Variants in SPDYA observed in about 807,000 individuals in gnomAD.
SPDYA encodes speedy/RINGO cell cycle regulator family member A.
SPDYA carries 11 observed loss-of-function variants against 36.7 expected under a neutral mutation model. That is an observed-to-expected ratio of 0.30 (90% CI 0.19 to 0.50). The LOEUF (loss-of-function observed/expected upper bound fraction) is 0.50, where lower values mean the gene tolerates loss of function less well. Ranked by LOEUF, SPDYA falls within the 20% of genes least tolerant of loss-of-function variation. The pLI is 0.98. For synonymous variants in SPDYA, 115 were observed against 118.7 expected (o/e 0.97, Z 0.20); for missense variants, 287 against 370.9 (o/e 0.77, Z 1.86).
intron 4 of SPDYA, among the ~76,000 whole-genome samples, chr2:28,819,866 AT>A (rs1668110132): frequency 1.0e-4 from 1 of 10,004 alleles, no homozygotes; most frequent in Non-Finnish European, 2.2e-4. Context: ...ATATATATAT[AT>A]ATATATATAT....
Position 28,816,094 on chromosome 2 carries a change from A to T in SPDYA, c.80A>T (p.Gln27Leu). 2 of 1,614,086 alleles carry T rather than the reference A, an allele frequency of 1.2e-6. No individual in the cohort carries two copies. Among genetic ancestry groups the T allele is most frequent in the Middle Eastern group, 1.7e-4 (1 of 6,060 alleles). The change falls in exon 3 of 8, where the codon CAG becomes CTG. Residue 27 changes from glutamine to leucine, a missense_variant. Gln to Leu is a moderately radical substitution (Grantham distance 113, BLOSUM62 -2). Coordinates refer to ENST00000334056, the MANE Select transcript of SPDYA (RefSeq NM_182756.4). ...AAATCAGGGTCAAATAGATCACATC[A>T]GCCTAAAAAGCCCATTACTCTGAAG... ...YVKSGSNRSHQPKKPITLKRP... is the reference protein window; with the variant it reads ...YVKSGSNRSHLPKKPITLKRP...
Position 28,850,234 on chromosome 2 carries a change from CAAGAA to C in SPDYA, c.*297_*301del. ...TGTGGTTTGACCTTCCTCAACTTGA[CAAGAA>C]AAGCTAATTTAAGAGAAGAAAAACA... On this transcript the variant is annotated 3_prime_UTR_variant, in exon 8 of 8. Transcript: ENST00000334056. 6.2e-7 allele frequency: 1 copy of C among 1,611,306 alleles called. No individual in the cohort carries two copies. Among genetic ancestry groups the C allele is most frequent in the South Asian group, 1.1e-5 (1 of 90,546 alleles).
chr2:28,835,031 G>T (rs1668559795), intron 6 of SPDYA, among the ~76,000 whole-genome samples: 1 of 151,994 alleles, frequency 6.6e-6, no homozygotes, highest in Non-Finnish European at 1.5e-5. Context: ...TTCCAAGAGA[G>T]CAGGGTCTTT....
intron 6 of SPDYA, among the ~76,000 whole-genome samples, chr2:28,833,418 ATGT>A (rs1334192869): frequency 3.3e-5 from 5 of 152,290 alleles, no homozygotes; most frequent in Admixed American, 2.0e-4. Flanking sequence ...ATAACCTGGA[ATGT>A]TGTTCCCCAA....
rs917678036 is a variant in SPDYA, at chr2:28,816,354, G to C, written c.235+105G>C. 4 of 894,920 alleles carry C rather than the reference G, an allele frequency of 4.5e-6. No homozygotes were observed. The Admixed American group carries it at 1.5e-4, about 34-fold the overall frequency. The allele number at this position is 894,920 out of a possible 1,614,324, so 55.4% of individuals were successfully genotyped here. On this transcript the variant is annotated intron_variant, in intron 3 of 7. Coordinates refer to ENST00000334056, the MANE Select transcript of SPDYA (RefSeq NM_182756.4). Reference sequence around the variant, plus strand: ...GATCAAAGAGGATATCATTATTTTTGTATTAAATTTCCCATCTCCAACCAA... The same window carrying C: ...GATCAAAGAGGATATCATTATTTTTCTATTAAATTTCCCATCTCCAACCAA...
chr2:28,822,378 T>G lies in SPDYA; in HGVS notation c.348T>G (p.Ser116Arg). Residue 116 changes from serine to arginine, a missense_variant, in exon 5 of 8, where the codon AGT (serine) becomes AGG (arginine). By Grantham distance (110) the Ser-to-Arg change is moderately radical. Coordinates refer to ENST00000334056, the MANE Select transcript of SPDYA (RefSeq NM_182756.4). ...TCAAGAGGGCTAAATTTACTATAAGTGAGCATACCAGGATAAATTTCTTTA... is the reference window on the plus strand; with the variant it reads ...TCAAGAGGGCTAAATTTACTATAAGGGAGCATACCAGGATAAATTTCTTTA... Reference protein sequence around the residue: ...VYFKRAKFTISEHTRINFFIA... With the variant: ...VYFKRAKFTIREHTRINFFIA... 6.4e-7 allele frequency: 1 copy of G among 1,572,714 alleles called. No individual in the cohort carries two copies. The highest frequency in any genetic ancestry group is 8.6e-7 in the Non-Finnish European group (1 of 1,158,160).
chr2:28,846,604 A>C (rs1196632793), intron 7 of SPDYA, among the ~76,000 whole-genome samples: 2 of 152,148 alleles, frequency 1.3e-5, no homozygotes, highest in Non-Finnish European at 2.9e-5. Flanking sequence ...TCTGTCCCAT[A>C]AACCAGACTG....
Position 28,811,380 on chromosome 2 carries a change from G to A in SPDYA, c.-93+433G>A, listed in dbSNP as rs1339026966. ...TGTGGGAGGAATGGAGATTTGGGGG[G>A]TCTTTTTGATAAATCCTACCTCCTT... is the stretch of plus-strand genomic sequence containing the variant. On this transcript the variant is annotated intron_variant, in intron 1 of 7. Transcript: ENST00000334056. This position sits in a 1 kb window ranked among gnomAD's most constrained non-coding sequence, Gnocchi z 4.2. Among the ~76,000 whole-genome samples, 1 of 152,114 alleles carries A rather than the reference G, an allele frequency of 6.6e-6. No homozygotes were observed. The highest frequency in any genetic ancestry group is 1.9e-4 in the East Asian group (1 of 5,184).
At chr2:28,826,617 T>TG (rs2148088007) in intron 5 of SPDYA, among the ~76,000 whole-genome samples, 3 of 125,368 alleles carry the variant, frequency 2.4e-5, no homozygotes, top group African/African-American at 8.8e-5. Context: ...CTCTCTTTTT[T>TG]TTTTTTTTTT....
intron 6 of SPDYA, among the ~76,000 whole-genome samples, chr2:28,829,654 A>G (rs745337024): frequency 2.2e-4 from 33 of 152,132 alleles, no homozygotes; most frequent in Middle Eastern, 3.4e-3. Flanking sequence ...CTGAAAATAC[A>G]AAAATTAGGC....
intron 6 of SPDYA, among the ~76,000 whole-genome samples, chr2:28,834,541 A>G (rs1668546956): frequency 6.6e-6 from 1 of 152,250 alleles, no homozygotes. Flanking sequence ...CTTGGCAATT[A>G]AAAGGAATGA....
In SPDYA at chr2:28,838,738, G is replaced by A. The variant is rs765622761; in HGVS notation, c.553-1434G>A. On this transcript the variant is annotated intron_variant, in intron 6 of 7. Transcript: ENST00000334056. ...TGTAATCCCAGAACTTTGGGAGGGC[G>A]AGGAGGGTGGATCACTTGAGGTCAG... Among the ~76,000 whole-genome samples, 13 of 152,212 alleles carry A rather than the reference G, an allele frequency of 8.5e-5. No homozygotes were observed. The South Asian group carries it at 1.5e-3, about 17-fold the overall frequency.
chr2:28,815,524 G>C (rs1027696902), intron 2 of SPDYA, among the ~76,000 whole-genome samples: 1 of 151,754 alleles, frequency 6.6e-6, no homozygotes, highest in Non-Finnish European at 1.5e-5. Flanking sequence ...TTTGTGGGAG[G>C]GGGGGTGCTT....
intron 4 of SPDYA, 33 bp downstream of exon 4, chr2:28,819,139 C>T (rs773811612): frequency 6.7e-6 from 10 of 1,489,604 alleles, no homozygotes; most frequent in Non-Finnish European, 8.4e-6. Context: ...AATTAACCAG[C>T]ATTATAATGT....
intron 5 of SPDYA, among the ~76,000 whole-genome samples, chr2:28,826,743 T>C (rs1408130272): frequency 3.5e-5 from 5 of 143,838 alleles, no homozygotes; most frequent in Non-Finnish European, 7.5e-5. Flanking sequence ...ATCTCCCGAA[T>C]AGCTGGGACC....
At chr2:28,837,742 C>CTTTT (rs201687264) in intron 6 of SPDYA, among the ~76,000 whole-genome samples, 1 of 132,596 alleles carries the variant, frequency 7.5e-6, no homozygotes, top group African/African-American at 2.9e-5. Context: ...AGAGTCAGTG[C>CTTTT]TTTTTTTTTT....
intron 6 of SPDYA, among the ~76,000 whole-genome samples, chr2:28,837,128 T>C (rs959786540): frequency 2.4e-4 from 36 of 152,160 alleles, no homozygotes; most frequent in African/African-American, 8.7e-4. Flanking sequence ...CCAATGACAG[T>C]ATGCAAAAGA....
At chr2:28,822,164 G>C (rs1010425159) in intron 4 of SPDYA, among the ~76,000 whole-genome samples, 161 bp from the exon 5 acceptor site, 1 of 152,094 alleles carries the variant, frequency 6.6e-6, no homozygotes, top group Non-Finnish European at 1.5e-5. Context: ...TGTTCACATG[G>C]TGGATTACAG....
At chr2:28,847,423 G>A (rs1241366084) in intron 7 of SPDYA, among the ~76,000 whole-genome samples, 1 of 151,922 alleles carries the variant, frequency 6.6e-6, no homozygotes, top group Non-Finnish European at 1.5e-5. Flanking sequence ...CTCAAGGTGG[G>A]ACTGCATACA....
Sources: allele counts gnomAD v4.1 joint callset (sites outside exome capture counted in the v4.1 genomes callset), GRCh38; gene constraint gnomAD v4.1.1; non-coding constraint Gnocchi (gnomAD v3.1); transcripts MANE v1.5; gene names NCBI Gene and HGNC (gene_info 2026-07-23, HGNC 2026-07-21).